The following PALD1 variants were observed in gnomAD, a reference collection of about 807,000 sequenced individuals.
PALD1 encodes phosphatase domain containing paladin 1.
A neutral mutation model predicts 96.0 loss-of-function variants in PALD1; 57 were observed. The ratio of observed to expected loss-of-function variants is 0.59; its 90% CI spans 0.48 to 0.74. The LOEUF (loss-of-function observed/expected upper bound fraction) is 0.74, where lower values mean the gene tolerates loss of function less well. PALD1 is among the 30% of genes least tolerant of loss of function. The pLI is 0.00. For missense variants in PALD1, 1,063 were observed against 1,143.7 expected (o/e 0.93, Z 1.02); for synonymous variants, 464 against 473.6 (o/e 0.98, Z 0.26).
intron 1 of PALD1, among the ~76,000 whole-genome samples, chr10:70,509,510 G>C (rs1161238748): frequency 6.6e-6 from 1 of 152,244 alleles, no homozygotes; most frequent in Non-Finnish European, 1.5e-5. Context: ...CAGACCCAGA[G>C]TGGGGAGGTG....
intron 1 of PALD1, among the ~76,000 whole-genome samples, chr10:70,505,875 G>C (rs1176077215): frequency 6.6e-6 from 1 of 152,088 alleles, no homozygotes; most frequent in Non-Finnish European, 1.5e-5. Context: ...ACAAAAGTTA[G>C]CCGGGCATGG....
At position 70,539,231 on chromosome 10, in the gene PALD1, C is replaced by G. The variant is rs747831957; in HGVS notation, c.1709C>G (p.Ala570Gly). ...CTGCGGTGGCCTGGGCCCCCTGTGG[C>G]TCCTGACCAGCTGGAGGTGAGGCCC... ...YSLRWPGPPV[A>G]PDQLETLEAQ... The change falls in exon 14 of 20, where the codon GCT becomes GGT. Residue 570 changes from alanine to glycine, a missense_variant. Coordinates refer to ENST00000263563, the MANE Select transcript of PALD1 (RefSeq NM_014431.3). This position sits in a 1 kb window ranked among gnomAD's most constrained non-coding sequence, Gnocchi z 4.5. The G allele has an allele frequency of 6.2e-7, 1 of 1,610,558 alleles. No homozygotes were observed. Among genetic ancestry groups the G allele is most frequent in the Admixed American group, 1.7e-5 (1 of 59,642 alleles).
chr10:70,535,764 A>G (rs764928304), intron 10 of PALD1, among the ~76,000 whole-genome samples: 1 of 151,356 alleles, frequency 6.6e-6, no homozygotes, highest in Admixed American at 6.6e-5. Context: ...GCAGTGGTGC[A>G]GTCATAGCTC....
At chr10:70,557,941 T>C (rs1847645187) in intron 18 of PALD1, among the ~76,000 whole-genome samples, 1 of 141,950 alleles carries the variant, frequency 7.0e-6, no homozygotes, top group African/African-American at 2.6e-5. Flanking sequence ...TTTTTTTTTT[T>C]TTTTTTTTTA....
At position 70,538,364 on chromosome 10, in the gene PALD1, G is replaced by C; in HGVS notation, c.1408G>C (p.Ala470Pro). 1 of 1,611,096 alleles carries C rather than the reference G, an allele frequency of 6.2e-7. No individual in the cohort carries two copies. The highest frequency in any genetic ancestry group is 8.5e-7 in the Non-Finnish European group (1 of 1,179,976). ...LYRLPVTLSS[A>P]GPVAPRDLIA... is the part of the protein sequence containing the mutation. ...CCGCCTGCCCGTGACGCTGAGCTCAGCAGGCCCTGTGGCTCCGAGGGACCT... is the reference window on the plus strand; with the variant it reads ...CCGCCTGCCCGTGACGCTGAGCTCACCAGGCCCTGTGGCTCCGAGGGACCT... Residue 470 changes from alanine (A) to proline (P), a missense_variant, in exon 12 of 20, where the codon GCA (alanine) becomes CCA (proline). Transcript: ENST00000263563.
chr10:70,543,808 C>T (rs1351986716), intron 17 of PALD1, among the ~76,000 whole-genome samples: 1 of 152,158 alleles, frequency 6.6e-6, no homozygotes, highest in East Asian at 1.9e-4. Flanking sequence ...TGTGTACTCC[C>T]TCTGTCCCCT....
At position 70,541,130 on chromosome 10, in the gene PALD1, G is replaced by A. The variant is rs61857083; in HGVS notation, c.1937G>A (p.Arg646Gln). The change falls in exon 16 of 20, where the codon CGG becomes CAG. Residue 646 changes from arginine (R) to glutamine (Q), a missense_variant. Physicochemically the swap from Arg to Gln is conservative, Grantham distance 43. Coordinates refer to ENST00000263563, the MANE Select transcript of PALD1 (RefSeq NM_014431.3). ...EDFDQLLEAL[R>Q]AALSKDPGTG... ...TTTGACCAGCTGCTGGAGGCCCTGCGGGCCGCCCTCTCCAAGGACCCAGGC... is the reference window on the plus strand; with the variant it reads ...TTTGACCAGCTGCTGGAGGCCCTGCAGGCCGCCCTCTCCAAGGACCCAGGC... The A allele has an allele frequency of 4.6e-3, 7,486 of 1,612,982 alleles. 26 individuals carry two copies. Among genetic ancestry groups the A allele is most frequent in the Non-Finnish European group, 5.4e-3 (6,367 of 1,179,564 alleles).
At chr10:70,481,016 G>C (rs540145984) in intron 1 of PALD1, among the ~76,000 whole-genome samples, 3 of 152,316 alleles carry the variant, frequency 2.0e-5, no homozygotes, top group Non-Finnish European at 4.4e-5. Context: ...CTGCAGACAC[G>C]TACATAGAAA....
At chr10:70,537,742 T>C in intron 10 of PALD1, 69 bp from the exon 11 acceptor site, 1 of 1,053,412 alleles carries the variant, frequency 9.5e-7, no homozygotes, top group South Asian at 1.3e-5. Context: ...ACTCCTGCCC[T>C]TGCAGGGATG....
At chr10:70,483,922 A>G (rs1845974025) in intron 1 of PALD1, among the ~76,000 whole-genome samples, 1 of 152,178 alleles carries the variant, frequency 6.6e-6, no homozygotes, top group Non-Finnish European at 1.5e-5. Context: ...GGTACAACAC[A>G]TTCTGCAACT....
At chr10:70,530,776 T>A (rs1357070511) in intron 4 of PALD1, among the ~76,000 whole-genome samples, 1 of 152,152 alleles carries the variant, frequency 6.6e-6, no homozygotes. Flanking sequence ...CCCATCTTGA[T>A]GATAAGTTCC....
At position 70,568,118 on chromosome 10, in the gene PALD1, C is replaced by G. The variant is rs1847887850; in HGVS notation, c.*1385C>G. ...CCCTTGGCTGAATTCTTTTGCAGAA[C>G]TACTGTGTGTCTGTTCACTACCTTT... On this transcript the variant is annotated 3_prime_UTR_variant, in exon 20 of 20. Coordinates refer to ENST00000263563, the MANE Select transcript of PALD1 (RefSeq NM_014431.3). 1 of 152,230 alleles carries G rather than the reference C, an allele frequency of 6.6e-6. No homozygotes were observed. Among genetic ancestry groups the G allele is most frequent in the Non-Finnish European group, 1.5e-5 (1 of 68,040 alleles). 9.4% of individuals were successfully genotyped at this position (152,230 alleles called of 1,614,324 possible).
rs58815668 is a variant in PALD1 at position 70,495,842 on chromosome 10, C to CAA, written c.-30+16799_-30+16800dup. ...CAGCATAGTGAGATTCTTGTCTCTA[C>CAA]AAAAAAAAAAAAAAAAATTAGCCAG... is the stretch of plus-strand genomic sequence containing the variant. On this transcript the variant is annotated intron_variant, in intron 1 of 19. Transcript: ENST00000263563. Among the ~76,000 whole-genome samples, 254 of 86,694 alleles carry CAA rather than the reference C, an allele frequency of 2.9e-3. 3 individuals are homozygous for CAA. The highest frequency in any genetic ancestry group is 0.011 in the African/African-American group (242 of 22,332). The allele number at this position is 86,694 out of a possible 152,430, so 56.9% of individuals were successfully genotyped here. A position where few individuals can be genotyped will look rare whatever the true frequency, so the allele number is the denominator to read the frequency against.
At chr10:70,489,241 C>G (rs963272839) in intron 1 of PALD1, among the ~76,000 whole-genome samples, 1 of 152,146 alleles carries the variant, frequency 6.6e-6, no homozygotes, top group Non-Finnish European at 1.5e-5. Context: ...TTTCACCCTC[C>G]TGGCCCCACC....
In PALD1 at chr10:70,539,074, C is replaced by T. The variant is rs767628475; in HGVS notation, c.1570-18C>T. On this transcript the variant is annotated intron_variant, in intron 13 of 19. Coordinates refer to ENST00000263563, the MANE Select transcript of PALD1 (RefSeq NM_014431.3). The surrounding 1 kb of genome is among the most constrained non-coding windows in gnomAD (Gnocchi z 4.5). ...GGAGGGAGGGCTGAGCACTCACTGC[C>T]GGCCCTCCTGTGCCCAGGCCCTGGG... The T allele has an allele frequency of 3.3e-5, 54 of 1,613,566 alleles. No homozygotes were observed. In the East Asian group the frequency reaches 5.3e-4, roughly 16 times the overall value.
intron 2 of PALD1, among the ~76,000 whole-genome samples, 171 bp from the exon 3 acceptor site, chr10:70,529,058 G>C (rs35344832): frequency 0.44 from 67,302 of 151,782 alleles, 15,997 homozygotes; most frequent in Middle Eastern, 0.59. Flanking sequence ...CCCTGGGGCT[G>C]TCGTGTTGAG....
chr10:70,494,947 C>T (rs1008774360), intron 1 of PALD1, among the ~76,000 whole-genome samples: 2 of 152,230 alleles, frequency 1.3e-5, no homozygotes, highest in Non-Finnish European at 2.9e-5. Context: ...GGTAATTTGG[C>T]AGTATCTCGG....
chr10:70,510,794 A>G (rs1301220062), intron 1 of PALD1, among the ~76,000 whole-genome samples: 1 of 152,212 alleles, frequency 6.6e-6, no homozygotes, highest in African/African-American at 2.4e-5. Context: ...CCAGGTCTCT[A>G]TCTATAAGGT....
intron 1 of PALD1, among the ~76,000 whole-genome samples, chr10:70,480,185 C>T (rs1290311456): frequency 6.6e-6 from 1 of 152,232 alleles, no homozygotes. Context: ...GCACTCATCC[C>T]CACCCACTCC....
Sources: allele counts gnomAD v4.1 joint callset (sites outside exome capture counted in the v4.1 genomes callset), GRCh38; gene constraint gnomAD v4.1.1; non-coding constraint Gnocchi (gnomAD v3.1); transcripts MANE v1.5; gene names NCBI Gene and HGNC (gene_info 2026-07-23, HGNC 2026-07-21).